Variants in MALRD1 observed in about 807,000 individuals in gnomAD.
MALRD1 encodes MAM and LDL receptor class A domain containing 1.
A neutral mutation model predicts 242.1 loss-of-function variants in MALRD1; 247 were observed. The observed-to-expected ratio is 1.02, with a 90% CI of 0.92 to 1.13. The LOEUF is 1.13. MALRD1 is among the 50% of genes most tolerant of loss of function. The probability of loss-of-function intolerance (pLI) is 0.00; values close to 1 mark genes in which losing one functional copy is unlikely to be tolerated. For synonymous variants in MALRD1, 995 were observed against 866.6 expected (o/e 1.15, Z -2.60); for missense variants, 2,989 against 2,533.1 (o/e 1.18, Z -3.86).
intron 4 of MALRD1, among the ~76,000 whole-genome samples, chr10:19,095,240 A>G (rs553735322): frequency 2.0e-5 from 3 of 152,332 alleles, no homozygotes; most frequent in South Asian, 2.1e-4. Context: ...GTTGAATTAT[A>G]AGATATAGGA....
At chr10:19,243,645 T>C (rs994769856) in intron 18 of MALRD1, among the ~76,000 whole-genome samples, 1 of 152,180 alleles carries the variant, frequency 6.6e-6, no homozygotes, top group African/African-American at 2.4e-5. Context: ...TTAAGATTTG[T>C]TTATACAGCT....
At chr10:19,539,845 C>A (rs1263932187) in intron 32 of MALRD1, among the ~76,000 whole-genome samples, 2 of 135,830 alleles carry the variant, frequency 1.5e-5, no homozygotes, top group East Asian at 4.2e-4. Flanking sequence ...CGCCACCACA[C>A]CCAGCTTTGT....
intron 21 of MALRD1, among the ~76,000 whole-genome samples, chr10:19,309,721 T>G (rs1451090672): frequency 6.6e-6 from 1 of 151,264 alleles, no homozygotes; most frequent in Non-Finnish European, 1.5e-5. Flanking sequence ...TGAAGAGTCC[T>G]AGGTTAACTG....
chr10:19,659,045 G>A (rs1287797576), intron 36 of MALRD1, among the ~76,000 whole-genome samples: 1 of 152,160 alleles, frequency 6.6e-6, no homozygotes, highest in Non-Finnish European at 1.5e-5. Context: ...AAAATGACTA[G>A]TCTGTGTATT....
At chr10:19,129,784 T>A (rs1837395312) in intron 8 of MALRD1, among the ~76,000 whole-genome samples, 1 of 148,752 alleles carries the variant, frequency 6.7e-6, no homozygotes, top group African/African-American at 2.4e-5. Context: ...TATTTATTAT[T>A]TTATGTATCC....
In MALRD1 at chr10:19,566,221, C is replaced by T. The variant is rs757891559; in HGVS notation, c.5479-1281C>T. On this transcript the variant is annotated intron_variant, in intron 32 of 39. Transcript: ENST00000454679. ...TCCTCTCACTGCAAACTCCACTTCC[C>T]GGGTTCACGCCATTCTTCTGCCTCA... Among the ~76,000 whole-genome samples, 5 of 151,900 alleles carry T rather than the reference C, an allele frequency of 3.3e-5. No individual in the cohort carries two copies. In the East Asian group the frequency reaches 5.8e-4, roughly 18 times the overall value.
chr10:19,587,229 A>G (rs74557630), intron 33 of MALRD1, among the ~76,000 whole-genome samples: 1 of 152,158 alleles, frequency 6.6e-6, no homozygotes, highest in Non-Finnish European at 1.5e-5. Context: ...AGCTGTTCCT[A>G]TTTGGCCATC....
chr10:19,723,128 G>T (rs1356202650), intron 38 of MALRD1, among the ~76,000 whole-genome samples: 2 of 152,078 alleles, frequency 1.3e-5, no homozygotes, highest in Non-Finnish European at 2.9e-5. Context: ...CGGATTTTAG[G>T]ATATTGTCTG....
At chr10:19,194,535 T>C (rs1836145899) in intron 14 of MALRD1, among the ~76,000 whole-genome samples, 1 of 152,144 alleles carries the variant, frequency 6.6e-6, no homozygotes, top group Admixed American at 6.5e-5. Flanking sequence ...ATACACGAGC[T>C]GTCTGGACAC....
rs139515876 is a variant in MALRD1 at position 19,699,675 on chromosome 10, G to C, written c.6314+7121G>C. ...TATAGGAAGCATAGCACCAGCATCT[G>C]CTTCTGGGTAGGCTTCAGGAGGCTT... On this transcript the variant is annotated intron_variant, in intron 38 of 39. Coordinates refer to ENST00000454679, the MANE Select transcript of MALRD1 (RefSeq NM_001142308.3). Among the ~76,000 whole-genome samples, 461 of 152,250 alleles carry C rather than the reference G, an allele frequency of 3.0e-3. 1 individual carries two copies. The highest frequency in any genetic ancestry group is 0.01 in the African/African-American group (426 of 41,552).
At chr10:19,153,881 A>AC (rs1834033194) in intron 11 of MALRD1, among the ~76,000 whole-genome samples, 1 of 128,538 alleles carries the variant, frequency 7.8e-6, no homozygotes, top group Non-Finnish European at 1.8e-5. Flanking sequence ...CTTGTTTGAA[A>AC]TTTGTATATT....
chr10:19,223,756 T>A (rs565067022), intron 18 of MALRD1, among the ~76,000 whole-genome samples: 1 of 152,260 alleles, frequency 6.6e-6, no homozygotes, highest in South Asian at 2.1e-4. Flanking sequence ...TGTCTATGTG[T>A]TCTCATTGTT....
chr10:19,230,873 T>C (rs994746483), intron 18 of MALRD1, among the ~76,000 whole-genome samples: 3 of 152,238 alleles, frequency 2.0e-5, no homozygotes, highest in Non-Finnish European at 4.4e-5. Flanking sequence ...TTATTTTATC[T>C]TTTTAATTTC....
intron 18 of MALRD1, among the ~76,000 whole-genome samples, chr10:19,215,219 A>G (rs1442515553): frequency 1.3e-5 from 2 of 152,148 alleles, no homozygotes; most frequent in African/African-American, 4.8e-5. Flanking sequence ...TAAAATTTCC[A>G]TTGAGAGCTC....
intron 24 of MALRD1, among the ~76,000 whole-genome samples, chr10:19,338,315 T>C (rs1242433218): frequency 6.6e-6 from 1 of 151,628 alleles, no homozygotes; most frequent in African/African-American, 2.4e-5. Flanking sequence ...AAATCCTCTA[T>C]GCTCCGCTTG....
intron 31 of MALRD1, among the ~76,000 whole-genome samples, chr10:19,520,691 T>C (rs1229457900): frequency 6.9e-6 from 1 of 144,414 alleles, no homozygotes; most frequent in Non-Finnish European, 1.5e-5. Flanking sequence ...GTTAGGGTCC[T>C]TCCTGTTTCT....
chr10:19,587,465 C>T (rs979693896), intron 33 of MALRD1, among the ~76,000 whole-genome samples: 2 of 152,206 alleles, frequency 1.3e-5, no homozygotes, highest in Non-Finnish European at 2.9e-5. Context: ...TTCCTTTTCT[C>T]TAAACATATT....
intron 18 of MALRD1, among the ~76,000 whole-genome samples, chr10:19,240,287 C>A (rs1428588029): frequency 6.6e-6 from 1 of 151,828 alleles, no homozygotes; most frequent in Non-Finnish European, 1.5e-5. Context: ...TCAGATAGTT[C>A]ACTATTAGTG....
At chr10:19,684,181 A>G (rs1429298373) in intron 36 of MALRD1, among the ~76,000 whole-genome samples, 1 of 152,160 alleles carries the variant, frequency 6.6e-6, no homozygotes, top group Non-Finnish European at 1.5e-5. Flanking sequence ...AACAGAGCCA[A>G]AGTTGAAAAT....
Sources: gnomAD v4.1 joint callset for allele counts (sites outside exome capture counted in the v4.1 genomes callset) on GRCh38, gnomAD v4.1.1 for gene constraint, MANE v1.5 for transcripts, NCBI Gene and HGNC (gene_info 2026-07-23, HGNC 2026-07-21) for gene names.